The following HECW1 variants were observed in gnomAD, a reference collection of about 807,000 sequenced individuals.
HECW1 encodes the protein HECT, C2 and WW domain containing E3 ubiquitin protein ligase 1.
HECW1 carries 61 observed loss-of-function variants against 182.3 expected under a neutral mutation model. The ratio of observed to expected loss-of-function variants is 0.33; its 90% CI spans 0.27 to 0.41. The LOEUF (loss-of-function observed/expected upper bound fraction) is 0.41, where lower values mean the gene tolerates loss of function less well. HECW1 is among the 10% of genes least tolerant of loss of function. The probability of loss-of-function intolerance (pLI) is 1.00; values close to 1 mark genes in which losing one functional copy is unlikely to be tolerated. For synonymous variants in HECW1, 859 were observed against 832.6 expected, an observed-to-expected ratio of 1.03 and a Z score of -0.55; for missense variants, 1,739 against 2,108.9, an observed-to-expected ratio of 0.82 and a Z score of 3.44.
chr7:43,148,144 A>G (rs1174022817), intron 2 of HECW1, among the ~76,000 whole-genome samples: 1 of 152,172 alleles, frequency 6.6e-6, no homozygotes. Flanking sequence ...GGGGGCAGAA[A>G]GGGGAATGAG....
chr7:43,124,547 T>C (rs1436481802), intron 2 of HECW1, among the ~76,000 whole-genome samples: 2 of 152,194 alleles, frequency 1.3e-5, no homozygotes, highest in African/African-American at 4.8e-5. Flanking sequence ...ACAGAACTTA[T>C]ATTTGTTAAA....
At chr7:43,298,316 G>C (rs1413250610) in intron 3 of HECW1, among the ~76,000 whole-genome samples, 1 of 152,206 alleles carries the variant, frequency 6.6e-6, no homozygotes. Flanking sequence ...CTCCAGGGCA[G>C]AGGCCATGAT....
At chr7:43,468,779 T>G in intron 15 of HECW1, 141 bp from the exon 16 acceptor site, 2 of 711,402 alleles carry the variant, frequency 2.8e-6, no homozygotes, top group Non-Finnish European at 4.6e-6. Context: ...AAGAGCTCAT[T>G]TTCTGAGGCC....
chr7:43,555,242 A>G (rs1319683679), intron 29 of HECW1, among the ~76,000 whole-genome samples: 1 of 152,232 alleles, frequency 6.6e-6, no homozygotes, highest in East Asian at 1.9e-4. Flanking sequence ...ATCAAGTTTT[A>G]GAACATGTGG....
intron 6 of HECW1, among the ~76,000 whole-genome samples, chr7:43,389,945 T>A (rs566706982): frequency 1.3e-5 from 2 of 152,286 alleles, no homozygotes; most frequent in South Asian, 4.1e-4. Context: ...TCATTATTTT[T>A]AGTAAGCTAA....
At chr7:43,507,883 C>T (rs1423504059) in intron 22 of HECW1, 135 bp from the exon 23 acceptor site, 1 of 609,954 alleles carries the variant, frequency 1.6e-6, no homozygotes, top group Non-Finnish European at 3.0e-6. Flanking sequence ...ACTGACGGAA[C>T]CTGGGTCCTG....
At chr7:43,425,797 G>T (rs1045892896) in intron 8 of HECW1, among the ~76,000 whole-genome samples, 1 of 152,026 alleles carries the variant, frequency 6.6e-6, no homozygotes, top group Non-Finnish European at 1.5e-5. Context: ...CATTTATGAG[G>T]GCAGAGCCTT....
At chr7:43,184,293 GT>G (rs1187416649) in intron 2 of HECW1, among the ~76,000 whole-genome samples, 1 of 152,194 alleles carries the variant, frequency 6.6e-6, no homozygotes, top group Non-Finnish European at 1.5e-5. Flanking sequence ...GATTACAGGC[GT>G]GAGCCACCGC....
At chr7:43,123,242 A>G (rs576260262) in intron 2 of HECW1, among the ~76,000 whole-genome samples, 1 of 152,312 alleles carries the variant, frequency 6.6e-6, no homozygotes, top group Admixed American at 6.5e-5. Flanking sequence ...TCAATTTTAC[A>G]ATATTGCTTC....
intron 2 of HECW1, among the ~76,000 whole-genome samples, chr7:43,234,045 G>A (rs1798097080): frequency 6.6e-6 from 1 of 152,230 alleles, no homozygotes; most frequent in Non-Finnish European, 1.5e-5. Flanking sequence ...TCCACAGTCT[G>A]CAAGAGCAGC....
At chr7:43,498,603 T>G in intron 19 of HECW1, among the ~76,000 whole-genome samples, 1 of 152,242 alleles carries the variant, frequency 6.6e-6, no homozygotes, top group East Asian at 1.9e-4. Context: ...GAGATGGGGA[T>G]GTTCTGTTCT....
intron 3 of HECW1, among the ~76,000 whole-genome samples, chr7:43,264,819 G>C (rs1479673682): frequency 6.7e-6 from 1 of 149,034 alleles, no homozygotes; most frequent in East Asian, 2.0e-4. Context: ...ACTCCAGCCC[G>C]GGCGACAGAG....
In HECW1 at chr7:43,558,956, T is replaced by C. The variant is rs1182353949; in HGVS notation, c.4710-2859T>C. ...AAGGCCTATCTGAAGAGAACAAGGCTGTAGTTAGGCAGTGGAAGAAGATTG... is the reference window on the plus strand; with the variant it reads ...AAGGCCTATCTGAAGAGAACAAGGCCGTAGTTAGGCAGTGGAAGAAGATTG... On this transcript the variant is annotated intron_variant, in intron 29 of 29. Coordinates refer to ENST00000395891, the MANE Select transcript of HECW1 (RefSeq NM_015052.5). 2.0e-5 allele frequency among the ~76,000 whole-genome samples: 3 copies of C among 152,160 alleles called. No homozygotes were observed. In the East Asian group the frequency reaches 5.8e-4, roughly 29 times the overall value.
chr7:43,218,353 C>G (rs1796623722), intron 2 of HECW1, among the ~76,000 whole-genome samples: 1 of 152,184 alleles, frequency 6.6e-6, no homozygotes, highest in Non-Finnish European at 1.5e-5. Flanking sequence ...CCTCTTAGAG[C>G]TCAGGGTATT....
intron 2 of HECW1, among the ~76,000 whole-genome samples, chr7:43,175,064 A>G (rs1262588388): frequency 6.6e-6 from 1 of 152,122 alleles, no homozygotes; most frequent in Non-Finnish European, 1.5e-5. Flanking sequence ...TGATTTCCTG[A>G]TATCCTTTTC....
chr7:43,329,016 G>C (rs1319640670), intron 5 of HECW1, among the ~76,000 whole-genome samples: 1 of 152,170 alleles, frequency 6.6e-6, no homozygotes, highest in Non-Finnish European at 1.5e-5. Context: ...GCATGCCAAG[G>C]TTCTGGCATT....
intron 2 of HECW1, among the ~76,000 whole-genome samples, chr7:43,140,103 A>G (rs967143008): frequency 7.1e-6 from 1 of 141,400 alleles, no homozygotes; most frequent in Admixed American, 7.1e-5. Context: ...CTTATTTAAT[A>G]TTTTTGATTA....
At chr7:43,364,681 A>G (rs941965440) in intron 6 of HECW1, among the ~76,000 whole-genome samples, 1 of 152,254 alleles carries the variant, frequency 6.6e-6, no homozygotes, top group Non-Finnish European at 1.5e-5. Context: ...GAAATGGCTC[A>G]GGCCTGGCAG....
At chr7:43,560,031 C>T (rs889953504) in intron 29 of HECW1, among the ~76,000 whole-genome samples, 42 of 152,192 alleles carry the variant, frequency 2.8e-4, no homozygotes, top group Non-Finnish European at 1.0e-4. Flanking sequence ...TATTTCCACT[C>T]ATGAGTGCCA....
Sources: gnomAD v4.1 joint callset for allele counts (sites outside exome capture counted in the v4.1 genomes callset) on GRCh38, gnomAD v4.1.1 for gene constraint, MANE v1.5 for transcripts, NCBI Gene and HGNC (gene_info 2026-07-23, HGNC 2026-07-21) for gene names.